NKAIN2: variants seen among roughly 807,000 people sequenced by gnomAD.
The protein encoded by NKAIN2 is sodium/potassium transporting ATPase interacting 2.
A neutral mutation model predicts 32.6 loss-of-function variants in NKAIN2; 14 were observed. The observed-to-expected ratio is 0.43, with a 90% confidence interval of 0.28 to 0.67. NKAIN2 has a LOEUF of 0.67. Among genes scored for constraint, NKAIN2 ranks in the 30% least tolerant of loss-of-function variants. The pLI, the probability that NKAIN2 is intolerant of heterozygous loss-of-function variation, is 0.17. For synonymous variants in NKAIN2, 80 were observed against 87.2 expected, an observed-to-expected ratio of 0.92 and a Z score of 0.46; for missense variants, 198 against 258.3, an observed-to-expected ratio of 0.77 and a Z score of 1.60.
chr6:124,149,084 G>A (rs1409318795), intron 1 of NKAIN2, among the ~76,000 whole-genome samples: 1 of 151,592 alleles, frequency 6.6e-6, no homozygotes, highest in Non-Finnish European at 1.5e-5. Flanking sequence ...TAACATTCTT[G>A]TAAGCCATTT....
chr6:124,527,033 C>G (rs9375337), intron 3 of NKAIN2, among the ~76,000 whole-genome samples: 3,718 of 152,100 alleles, frequency 0.024, 170 homozygotes, highest in East Asian at 0.14. Context: ...TACCTAGAAA[C>G]CTGGAAACCA....
intron 5 of NKAIN2, among the ~76,000 whole-genome samples, chr6:124,804,301 T>G (rs1465752712): frequency 6.6e-6 from 1 of 152,214 alleles, no homozygotes; most frequent in South Asian, 2.1e-4. Context: ...TTAGCAGATA[T>G]GAACAAGAAC....
chr6:123,843,336 A>G (rs1229201843), intron 1 of NKAIN2, among the ~76,000 whole-genome samples: 1 of 152,102 alleles, frequency 6.6e-6, no homozygotes, highest in Non-Finnish European at 1.5e-5. Context: ...TGGAAAGGGG[A>G]TGGAGCAAGA....
At chr6:123,956,081 T>G (rs1258407202) in intron 1 of NKAIN2, among the ~76,000 whole-genome samples, 1 of 152,088 alleles carries the variant, frequency 6.6e-6, no homozygotes, top group Non-Finnish European at 1.5e-5. Context: ...CATCAATATT[T>G]AAAAGCAGTA....
At chr6:124,809,046 G>A (rs890566849) in intron 5 of NKAIN2, among the ~76,000 whole-genome samples, 1 of 152,148 alleles carries the variant, frequency 6.6e-6, no homozygotes, top group African/African-American at 2.4e-5. Flanking sequence ...TGGTGAAAAT[G>A]GCCATACTGC....
chr6:124,462,527 C>T (rs903284338), intron 3 of NKAIN2, among the ~76,000 whole-genome samples: 1 of 151,882 alleles, frequency 6.6e-6, no homozygotes, highest in Non-Finnish European at 1.5e-5. Flanking sequence ...TTCAGAGTTA[C>T]TAAGTCTACA....
intron 1 of NKAIN2, among the ~76,000 whole-genome samples, chr6:123,908,018 T>C (rs1412548279): frequency 6.6e-6 from 1 of 152,172 alleles, no homozygotes; most frequent in South Asian, 2.1e-4. Flanking sequence ...AATATATTTA[T>C]GTTTCAGTGA....
intron 1 of NKAIN2, among the ~76,000 whole-genome samples, chr6:124,233,799 G>A (rs1043097758): frequency 6.6e-6 from 1 of 152,152 alleles, no homozygotes; most frequent in African/African-American, 2.4e-5. Context: ...TAACAAGAAT[G>A]AAATCTTCTA....
At chr6:123,973,795 T>C (rs1778438572) in intron 1 of NKAIN2, among the ~76,000 whole-genome samples, 1 of 152,134 alleles carries the variant, frequency 6.6e-6, no homozygotes, top group South Asian at 2.1e-4. Flanking sequence ...CCAAAAAAGA[T>C]TTGAAGAATT....
intron 3 of NKAIN2, among the ~76,000 whole-genome samples, chr6:124,606,353 G>A (rs555499443): frequency 5.9e-4 from 90 of 152,024 alleles, no homozygotes; most frequent in Middle Eastern, 6.8e-3. Flanking sequence ...TTTACAGAGA[G>A]AAAGAGTAGA....
intron 3 of NKAIN2, among the ~76,000 whole-genome samples, chr6:124,356,699 A>C (rs1294351323): frequency 6.6e-6 from 1 of 152,106 alleles, no homozygotes; most frequent in Non-Finnish European, 1.5e-5. Context: ...TGCTGCTTAA[A>C]ACTCACATTC....
chr6:123,844,487 ATC>A (rs578193956), intron 1 of NKAIN2, among the ~76,000 whole-genome samples: 355 of 152,122 alleles, frequency 2.3e-3, no homozygotes, highest in African/African-American at 7.7e-3. Flanking sequence ...CTTTAACCAA[ATC>A]TCTGTTACTC....
At chr6:124,791,226 G>A in intron 4 of NKAIN2, 113 bp from the exon 5 acceptor site, 1 of 650,720 alleles carries the variant, frequency 1.5e-6, no homozygotes, top group Non-Finnish European at 2.9e-6. Flanking sequence ...GAGCCATGTT[G>A]GTTGGAGCCC....
chr6:123,955,297 GT>G (rs1297728118), intron 1 of NKAIN2, among the ~76,000 whole-genome samples: 1 of 151,692 alleles, frequency 6.6e-6, no homozygotes, highest in African/African-American at 2.4e-5. Flanking sequence ...ATTGAGAACT[GT>G]TTATCATTAA....
At chr6:123,926,666 A>G (rs1238993082) in intron 1 of NKAIN2, among the ~76,000 whole-genome samples, 1 of 152,114 alleles carries the variant, frequency 6.6e-6, no homozygotes, top group Non-Finnish European at 1.5e-5. Context: ...CTTGATTTTA[A>G]TAGTCATTGG....
At chr6:124,484,783 A>T (rs560918355) in intron 3 of NKAIN2, among the ~76,000 whole-genome samples, 6 of 152,156 alleles carry the variant, frequency 3.9e-5, no homozygotes, top group Non-Finnish European at 8.8e-5. Flanking sequence ...GTATGAATAA[A>T]TGTATGTTTA....
At chr6:124,475,110 C>A (rs1583306237) in intron 3 of NKAIN2, among the ~76,000 whole-genome samples, 1 of 151,672 alleles carries the variant, frequency 6.6e-6, no homozygotes, top group Non-Finnish European at 1.5e-5. Flanking sequence ...CTTTGAAAGA[C>A]TTGATGGATT....
intron 1 of NKAIN2, among the ~76,000 whole-genome samples, chr6:124,155,170 C>A (rs936925579): frequency 8.6e-5 from 13 of 152,030 alleles, no homozygotes; most frequent in African/African-American, 2.9e-4. Context: ...AGCATGGTAT[C>A]TGGATGATTG....
chr6:124,779,778 G>T (rs962508038), intron 4 of NKAIN2, among the ~76,000 whole-genome samples: 1 of 152,146 alleles, frequency 6.6e-6, no homozygotes, highest in African/African-American at 2.4e-5. Context: ...CAGAAAAAAA[G>T]TGCTACCCAG....
Sources: allele counts gnomAD v4.1 joint callset (sites outside exome capture counted in the v4.1 genomes callset), GRCh38; gene constraint gnomAD v4.1.1; transcripts MANE v1.5; gene names NCBI Gene and HGNC (gene_info 2026-07-23, HGNC 2026-07-21).